PTPRT: variants seen among roughly 807,000 people sequenced by gnomAD.
The protein encoded by PTPRT is receptor-type tyrosine-protein phosphatase T.
A neutral mutation model predicts 176.8 loss-of-function variants in PTPRT; 56 were observed. That is an observed-to-expected ratio of 0.32 (90% CI 0.26 to 0.40). The LOEUF (loss-of-function observed/expected upper bound fraction) is 0.40, where lower values mean the gene tolerates loss of function less well. Among genes scored for constraint, PTPRT ranks in the 10% least tolerant of loss-of-function variants. The probability of loss-of-function intolerance (pLI) is 1.00; values close to 1 mark genes in which losing one functional copy is unlikely to be tolerated. For missense variants in PTPRT, 1,540 were observed against 1,908.2 expected, an observed-to-expected ratio of 0.81 and a Z score of 3.60; for synonymous variants, 783 against 739.0, an observed-to-expected ratio of 1.06 and a Z score of -0.96.
intron 1 of PTPRT, among the ~76,000 whole-genome samples, chr20:43,083,341 T>TGTATATATATAC: frequency 2.5e-5 from 1 of 40,676 alleles, no homozygotes; most frequent in African/African-American, 7.0e-5. Context: ...TATATATATA[T>TGTATATATATAC]ATATATATAT....
intron 3 of PTPRT, among the ~76,000 whole-genome samples, chr20:42,785,213 C>T (rs2077271488): frequency 1.3e-5 from 2 of 152,200 alleles, no homozygotes. Flanking sequence ...AGATGGCTGG[C>T]AGAGGCAGGT....
chr20:42,643,133 T>C (rs2074801211), intron 7 of PTPRT, among the ~76,000 whole-genome samples: 1 of 152,222 alleles, frequency 6.6e-6, no homozygotes, highest in South Asian at 2.1e-4. Context: ...TTGAGTATTG[T>C]TACGCAGCAT....
intron 7 of PTPRT, among the ~76,000 whole-genome samples, chr20:42,569,551 G>A (rs1463803226): frequency 2.6e-5 from 4 of 152,118 alleles, no homozygotes; most frequent in Admixed American, 2.0e-4. Context: ...TCTGCACCCT[G>A]TCTATAAACT....
At chr20:42,213,708 T>G (rs1280804823) in intron 15 of PTPRT, among the ~76,000 whole-genome samples, 1 of 151,502 alleles carries the variant, frequency 6.6e-6, no homozygotes, top group African/African-American at 2.4e-5. Flanking sequence ...GCGATGGGAG[T>G]GATGAGCCAT....
At position 42,309,053 on chromosome 20, in the gene PTPRT, AGC is replaced by A. The variant is rs1344130250; in HGVS notation, c.2139+6668_2139+6669del. Among the ~76,000 whole-genome samples the A allele has an allele frequency of 2.6e-5, 4 of 152,266 alleles. No individual in the cohort carries two copies. In the East Asian group the frequency reaches 7.7e-4, roughly 29 times the overall value. On this transcript the variant is annotated intron_variant, in intron 12 of 30. Transcript: ENST00000373187. ...CTGCTACTTCCCACTTCTCTTATTT[AGC>A]TTAGCATTTGGCAGAGGCATCATCC...
chr20:42,406,133 A>G (rs2058958914), intron 9 of PTPRT, among the ~76,000 whole-genome samples: 1 of 152,140 alleles, frequency 6.6e-6, no homozygotes, highest in Non-Finnish European at 1.5e-5. Flanking sequence ...CAAATTAGAA[A>G]AAAAGGAACA....
intron 2 of PTPRT, among the ~76,000 whole-genome samples, chr20:42,804,991 G>T (rs2077584420): frequency 6.6e-6 from 1 of 152,090 alleles, no homozygotes; most frequent in East Asian, 1.9e-4. Context: ...ATATGAATTT[G>T]GTGGGAACAG....
intron 2 of PTPRT, among the ~76,000 whole-genome samples, chr20:42,857,394 C>T (rs1412393614): frequency 6.6e-6 from 1 of 152,194 alleles, no homozygotes; most frequent in Non-Finnish European, 1.5e-5. Flanking sequence ...AATCCATATC[C>T]CCAAGTTATA....
rs1046707699 is a variant in PTPRT, at chr20:42,080,748, C to T, written c.*131G>A. On this transcript the variant is annotated 3_prime_UTR_variant, in exon 31 of 31. Coordinates refer to ENST00000373187, the MANE Select transcript of PTPRT (RefSeq NM_007050.6). ...GCAGAGCCCCCCGTGGAACACAGGG[C>T]CACCAGTCTTCTCCTTGGAGTCAGG... The T allele has an allele frequency of 1.2e-6, 1 of 861,776 alleles. No individual in the cohort carries two copies. The highest frequency in any genetic ancestry group is 1.5e-5 in the South Asian group (1 of 65,330). The allele number at this position is 861,776 out of a possible 1,614,324, so 53.4% of individuals were successfully genotyped here. A position where few individuals can be genotyped will look rare whatever the true frequency, so the allele number is the denominator to read the frequency against.
intron 6 of PTPRT, among the ~76,000 whole-genome samples, chr20:42,694,038 T>C (rs2075832110): frequency 1.0e-5 from 1 of 98,254 alleles, no homozygotes; most frequent in African/African-American, 4.7e-5. Context: ...TTATTTTATT[T>C]TCTTTTTTTT....
In PTPRT at chr20:42,082,632, A is replaced by G. The variant is rs539067587; in HGVS notation, c.4137-615T>C. On this transcript the variant is annotated intron_variant, in intron 29 of 30. Transcript: ENST00000373187. ...TATCTTAAAATGACAGGTCTCTACT[A>G]TACACTTTGGTTTAAGCAAGATGCT... Among the ~76,000 whole-genome samples, 3 of 152,308 alleles carry G rather than the reference A, an allele frequency of 2.0e-5. No homozygotes were observed. The South Asian group carries it at 6.2e-4, about 32-fold the overall frequency.
At chr20:42,473,034 A>G (rs550181061) in intron 7 of PTPRT, among the ~76,000 whole-genome samples, 3 of 152,308 alleles carry the variant, frequency 2.0e-5, no homozygotes, top group African/African-American at 7.2e-5. Context: ...ATCCAGATGC[A>G]CTAGCTGGAA....
At chr20:43,080,088 C>A (rs937672370) in intron 1 of PTPRT, among the ~76,000 whole-genome samples, 5 of 152,176 alleles carry the variant, frequency 3.3e-5, no homozygotes, top group African/African-American at 1.2e-4. Flanking sequence ...CTCCATGGGG[C>A]CCCTCACATT....
At chr20:42,907,793 T>A (rs1444376176) in intron 1 of PTPRT, among the ~76,000 whole-genome samples, 2 of 150,684 alleles carry the variant, frequency 1.3e-5, no homozygotes, top group East Asian at 3.9e-4. Context: ...ACTTCTCTCA[T>A]CCAGGAGAGC....
chr20:43,105,389 C>A (rs991717289), intron 1 of PTPRT, among the ~76,000 whole-genome samples: 8 of 151,800 alleles, frequency 5.3e-5, no homozygotes, highest in Non-Finnish European at 1.0e-4. Context: ...ATCAGTAGTT[C>A]ATTCTCTTCT....
At chr20:42,295,947 A>G (rs1009898539) in intron 12 of PTPRT, among the ~76,000 whole-genome samples, 1 of 152,212 alleles carries the variant, frequency 6.6e-6, no homozygotes, top group African/African-American at 2.4e-5. Context: ...TCCTTCCGCC[A>G]TGACTGTAAG....
chr20:42,128,859 G>A (rs760350327), intron 18 of PTPRT, 29 bp from the exon 19 acceptor site: 2 of 1,575,978 alleles, frequency 1.3e-6, no homozygotes, highest in East Asian at 2.3e-5. Context: ...TCAAGGGGAT[G>A]GTTGATAAGA....
chr20:42,843,400 G>A (rs746483771), intron 2 of PTPRT, among the ~76,000 whole-genome samples: 33 of 93,460 alleles, frequency 3.5e-4, no homozygotes, highest in Non-Finnish European at 6.6e-4. Context: ...GCCTCTGCTG[G>A]GCAGCTGCTA....
chr20:42,950,921 G>A (rs146387884), intron 1 of PTPRT, among the ~76,000 whole-genome samples: 357 of 152,298 alleles, frequency 2.3e-3, no homozygotes, highest in African/African-American at 8.2e-3. Context: ...TTTGAGGCAC[G>A]TGTTAACTCA....
Sources: gnomAD v4.1 joint callset for allele counts (sites outside exome capture counted in the v4.1 genomes callset) on GRCh38, gnomAD v4.1.1 for gene constraint, MANE v1.5 for transcripts, NCBI Gene and HGNC (gene_info 2026-07-23, HGNC 2026-07-21) for gene names.